Variants in KDM4C observed in about 807,000 individuals in gnomAD.
KDM4C encodes lysine-specific demethylase 4C.
Under a neutral mutation model 129.3 loss-of-function variants are expected in KDM4C, and 81 were observed. The observed-to-expected ratio is 0.63, with a 90% confidence interval of 0.52 to 0.75. The LOEUF is 0.75. KDM4C is among the 30% of genes least tolerant of loss of function. The pLI is 0.00. For missense variants in KDM4C, 1,457 were observed against 1,304.0 expected (o/e 1.12, Z -1.81); for synonymous variants, 573 against 456.1 (o/e 1.26, Z -3.26).
chr9:6,791,058 C>T (rs1008316367), intron 1 of KDM4C, among the ~76,000 whole-genome samples: 1 of 152,150 alleles, frequency 6.6e-6, no homozygotes, highest in African/African-American at 2.4e-5. Context: ...AACTCCCATA[C>T]CTTCTTATAA....
At chr9:6,762,942 G>C (rs1272169655) in intron 1 of KDM4C, among the ~76,000 whole-genome samples, 1 of 151,924 alleles carries the variant, frequency 6.6e-6, no homozygotes, top group East Asian at 1.9e-4. Flanking sequence ...TTACAGGCAT[G>C]AGCCACCACA....
At chr9:6,911,387 T>G (rs1379349707) in intron 8 of KDM4C, among the ~76,000 whole-genome samples, 1 of 152,228 alleles carries the variant, frequency 6.6e-6, no homozygotes, top group Non-Finnish European at 1.5e-5. Flanking sequence ...TAAATATCAA[T>G]AATTCTTCAG....
rs768822050 is a variant in KDM4C, at chr9:6,981,133, C to T, written c.1115+15C>T. 3 of 1,589,256 alleles carry T rather than the reference C, an allele frequency of 1.9e-6. No homozygotes were observed. The highest frequency in any genetic ancestry group is 2.2e-5 in the East Asian group (1 of 44,500). The stretch of plus-strand genomic sequence containing the variant: ...GCATCCCGAAGGTAATGACCCCTCA[C>T]CCCACTGACCTGCCTTGCCTGTCGT... On this transcript the variant is annotated intron_variant, in intron 9 of 21. Coordinates refer to ENST00000381309, the MANE Select transcript of KDM4C (RefSeq NM_015061.6).
intron 2 of KDM4C, 27 bp from the exon 3 acceptor site, chr9:6,805,572 T>C (rs1285903103): frequency 1.3e-6 from 2 of 1,540,872 alleles, no homozygotes; most frequent in Non-Finnish European, 1.8e-6. Context: ...TTCAAGATGA[T>C]ATTTTATTTC....
chr9:7,096,308 A>T (rs1315458139), intron 17 of KDM4C, among the ~76,000 whole-genome samples: 1 of 152,152 alleles, frequency 6.6e-6, no homozygotes, highest in Non-Finnish European at 1.5e-5. Flanking sequence ...ATTTCTTTGT[A>T]AATGCTGCTT....
chr9:7,151,488 CAA>C (rs1842724305), intron 19 of KDM4C, among the ~76,000 whole-genome samples: 1 of 151,856 alleles, frequency 6.6e-6, no homozygotes, highest in African/African-American at 2.4e-5. Flanking sequence ...TGTTGCTGGG[CAA>C]CATAGCAAGA....
chr9:6,891,309 T>G (rs773532233), intron 7 of KDM4C, among the ~76,000 whole-genome samples: 7 of 152,232 alleles, frequency 4.6e-5, no homozygotes, highest in Admixed American at 3.3e-4. Context: ...TTTTATGTAA[T>G]GGAAGATTAT....
intron 5 of KDM4C, among the ~76,000 whole-genome samples, chr9:6,865,045 A>G (rs867315594): frequency 1.1e-4 from 13 of 121,728 alleles, no homozygotes; most frequent in East Asian, 6.9e-4. Context: ...GTCTTGCTCT[A>G]TTGCCCAAGC....
At chr9:6,892,981 G>T in intron 7 of KDM4C, 114 bp from the exon 8 acceptor site, 1 of 744,206 alleles carries the variant, frequency 1.3e-6, no homozygotes, top group South Asian at 3.6e-5. Context: ...TTTTGGTAGT[G>T]CTCTGATATC....
intron 12 of KDM4C, among the ~76,000 whole-genome samples, chr9:7,001,610 A>C (rs1227280993): frequency 6.6e-6 from 1 of 152,198 alleles, no homozygotes; most frequent in African/African-American, 2.4e-5. Context: ...TGGCCACCCT[A>C]CTTGAAGTTC....
At chr9:7,167,195 G>A (rs7860165) in intron 20 of KDM4C, among the ~76,000 whole-genome samples, 1 of 152,080 alleles carries the variant, frequency 6.6e-6, no homozygotes, top group Non-Finnish European at 1.5e-5. Flanking sequence ...CCGAGAGCAC[G>A]CAGCTGGTAA....
At chr9:7,020,385 A>G (rs1824575276) in intron 15 of KDM4C, among the ~76,000 whole-genome samples, 1 of 152,244 alleles carries the variant, frequency 6.6e-6, no homozygotes, top group African/African-American at 2.4e-5. Context: ...TACCCAAATA[A>G]ATAGGCACAA....
At chr9:6,943,862 C>CT (rs1826402491) in intron 8 of KDM4C, among the ~76,000 whole-genome samples, 1 of 152,064 alleles carries the variant, frequency 6.6e-6, no homozygotes. Context: ...AAGCCAGAAT[C>CT]TTTTTTTACA....
At position 6,758,220 on chromosome 9, in the gene KDM4C, A is replaced by G; in HGVS notation, c.-18+17A>G. On this transcript the variant is annotated intron_variant, in intron 1 of 21. Coordinates refer to ENST00000381309, the MANE Select transcript of KDM4C (RefSeq NM_015061.6). This position sits in a 1 kb window ranked among gnomAD's most constrained non-coding sequence, Gnocchi z 4.6. ...GCGCGCCAGGTAACCGCTTTTCCGG[A>G]GTCTGGGGGCCAGGGCGGGGGGAGG... The G allele has an allele frequency of 2.0e-6, 2 of 984,930 alleles. No homozygotes were observed. The highest frequency in any genetic ancestry group is 2.4e-6 in the Non-Finnish European group (2 of 829,628). The allele number at this position is 984,930 out of a possible 1,614,324, so 61.0% of individuals were successfully genotyped here. A position where few individuals can be genotyped will look rare whatever the true frequency, so the allele number is the denominator to read the frequency against.
At chr9:7,065,540 C>T (rs1449688084) in intron 17 of KDM4C, among the ~76,000 whole-genome samples, 1 of 152,090 alleles carries the variant, frequency 6.6e-6, no homozygotes, top group African/African-American at 2.4e-5. Context: ...AGACATATTT[C>T]CGCAAAAAGA....
intron 8 of KDM4C, among the ~76,000 whole-genome samples, chr9:6,920,785 G>T (rs1298676990): frequency 6.6e-6 from 1 of 152,084 alleles, no homozygotes; most frequent in African/African-American, 2.4e-5. Context: ...GTTCTGCTTG[G>T]TGGGTCTGGA....
chr9:6,995,125 T>C (rs1298501506), intron 12 of KDM4C, among the ~76,000 whole-genome samples: 1 of 149,172 alleles, frequency 6.7e-6, no homozygotes, highest in Non-Finnish European at 1.5e-5. Context: ...AATTAGAGAA[T>C]GGGTTTTTTC....
chr9:7,006,465 G>T (rs756981862), intron 12 of KDM4C, among the ~76,000 whole-genome samples: 46 of 152,094 alleles, frequency 3.0e-4, no homozygotes, highest in Non-Finnish European at 3.8e-4. Context: ...TTGAAAAACA[G>T]AATTGTTTAT....
intron 8 of KDM4C, among the ~76,000 whole-genome samples, chr9:6,896,288 G>A (rs1047928314): frequency 6.6e-6 from 1 of 152,072 alleles, no homozygotes; most frequent in Non-Finnish European, 1.5e-5. Flanking sequence ...ATGAAAATAT[G>A]AGCACTTTTT....
Sources: gnomAD v4.1 joint callset for allele counts (sites outside exome capture counted in the v4.1 genomes callset) on GRCh38, gnomAD v4.1.1 for gene constraint, Gnocchi (gnomAD v3.1) non-coding constraint, MANE v1.5 for transcripts, NCBI Gene and HGNC (gene_info 2026-07-23, HGNC 2026-07-21) for gene names.